Variants in L3MBTL4 observed in about 807,000 individuals in gnomAD.
L3MBTL4 encodes lethal(3)malignant brain tumor-like protein 4.
A neutral mutation model predicts 84.5 loss-of-function variants in L3MBTL4; 70 were observed. The observed-to-expected ratio is 0.83, with a 90% CI of 0.68 to 1.01. The LOEUF is 1.01. Ranked by LOEUF, L3MBTL4 falls within the 50% of genes least tolerant of loss-of-function variation. The pLI is 0.00. For synonymous variants in L3MBTL4, 274 were observed against 259.8 expected, an observed-to-expected ratio of 1.05 and a Z score of -0.52; for missense variants, 715 against 754.8, an observed-to-expected ratio of 0.95 and a Z score of 0.62.
At chr18:6,296,891 G>A (rs984784713) in intron 4 of L3MBTL4, among the ~76,000 whole-genome samples, 10 of 152,134 alleles carry the variant, frequency 6.6e-5, no homozygotes, top group Admixed American at 2.0e-4. Flanking sequence ...TGGGAGGGAG[G>A]AGTAAGGATG....
chr18:6,271,541 A>C (rs1229344283), intron 4 of L3MBTL4, among the ~76,000 whole-genome samples: 1 of 152,244 alleles, frequency 6.6e-6, no homozygotes, highest in Non-Finnish European at 1.5e-5. Context: ...CGCGGAGGAA[A>C]GTGTGAGTCA....
intron 16 of L3MBTL4, among the ~76,000 whole-genome samples, chr18:5,987,497 T>G (rs768656005): frequency 7.9e-5 from 12 of 152,240 alleles, no homozygotes; most frequent in Non-Finnish European, 1.2e-4. Context: ...TCTTGCTACT[T>G]GTATCTGTCT....
intron 13 of L3MBTL4, among the ~76,000 whole-genome samples, chr18:6,164,817 C>A (rs191887556): frequency 0.016 from 2,411 of 152,288 alleles, 59 homozygotes; most frequent in African/African-American, 0.055. Context: ...AGCAACGGAA[C>A]AAAGCTGGAC....
At chr18:6,281,136 G>A (rs530662125) in intron 4 of L3MBTL4, among the ~76,000 whole-genome samples, 1 of 152,170 alleles carries the variant, frequency 6.6e-6, no homozygotes, top group African/African-American at 2.4e-5. Flanking sequence ...CAGTAACTGG[G>A]AAAATTGACA....
At chr18:6,174,121 C>T (rs2044109229) in intron 12 of L3MBTL4, among the ~76,000 whole-genome samples, 1 of 151,216 alleles carries the variant, frequency 6.6e-6, no homozygotes, top group Admixed American at 6.6e-5. Flanking sequence ...GTAATGAACT[C>T]CCTGATAGAA....
intron 16 of L3MBTL4, among the ~76,000 whole-genome samples, chr18:6,047,422 T>C (rs2145773288): frequency 6.6e-6 from 1 of 152,206 alleles, no homozygotes; most frequent in East Asian, 1.9e-4. Flanking sequence ...ATCACCCTGA[T>C]ACCAAAATCT....
At chr18:6,358,768 G>A (rs764951768) in intron 1 of L3MBTL4, among the ~76,000 whole-genome samples, 3 of 152,194 alleles carry the variant, frequency 2.0e-5, no homozygotes, top group Admixed American at 6.5e-5. Flanking sequence ...CCTTTTGCAC[G>A]TGGAAAGCAG....
chr18:5,993,007 G>C (rs118098279), intron 16 of L3MBTL4, among the ~76,000 whole-genome samples: 121 of 152,300 alleles, frequency 7.9e-4, no homozygotes, highest in Non-Finnish European at 1.6e-3. Flanking sequence ...ATCACCTGGG[G>C]GCACAGATGA....
chr18:6,215,712 T>C, intron 11 of L3MBTL4, 38 bp downstream of exon 11: 1 of 1,187,200 alleles, frequency 8.4e-7, no homozygotes, highest in Middle Eastern at 2.0e-4. Context: ...ATACAAACGT[T>C]GTTTAAAGGT....
In L3MBTL4 at chr18:5,969,613, C is replaced by T. The variant is rs752280912; in HGVS notation, c.1445-51G>A. Reference sequence around the variant, plus strand: ...GGCTCAGGCTCCCAGAGAGCAAGCACTGCTGTGTCAGCCCCGCAGTCCGGA... The same window carrying T: ...GGCTCAGGCTCCCAGAGAGCAAGCATTGCTGTGTCAGCCCCGCAGTCCGGA... On this transcript the variant is annotated intron_variant, in intron 16 of 18. Coordinates refer to ENST00000317931, the MANE Select transcript of L3MBTL4 (RefSeq NM_001330559.2). 10 of 1,541,078 alleles carry T rather than the reference C, an allele frequency of 6.5e-6. No homozygotes were observed. In the African/African-American group the frequency reaches 9.5e-5, roughly 15 times the overall value.
chr18:6,088,067 T>C lies in L3MBTL4; in HGVS notation c.1373+5288A>G, dbSNP rs902571667. ...ATTGTTTCTTCCCTTTAGCAGCCTA[T>C]AGTCTTTTTGAGAAGACATGGCATA... is the stretch of plus-strand genomic sequence containing the variant. On this transcript the variant is annotated intron_variant, in intron 15 of 18. Coordinates refer to ENST00000317931, the MANE Select transcript of L3MBTL4 (RefSeq NM_001330559.2). Among the ~76,000 whole-genome samples, 5 of 152,354 alleles carry C rather than the reference T, an allele frequency of 3.3e-5. 1 individual carries two copies. The highest frequency in any genetic ancestry group is 4.8e-5 in the African/African-American group (2 of 41,588).
chr18:6,113,652 A>G (rs1186401188), intron 14 of L3MBTL4, among the ~76,000 whole-genome samples: 3 of 152,064 alleles, frequency 2.0e-5, no homozygotes, highest in Non-Finnish European at 4.4e-5. Context: ...TCTGAAACAT[A>G]TTTACCAATT....
At chr18:6,188,687 T>C (rs1014284720) in intron 12 of L3MBTL4, among the ~76,000 whole-genome samples, 5 of 152,174 alleles carry the variant, frequency 3.3e-5, no homozygotes, top group African/African-American at 1.2e-4. Flanking sequence ...AGTGCAGTTT[T>C]CAGAAGCCAT....
intron 1 of L3MBTL4, among the ~76,000 whole-genome samples, chr18:6,355,691 T>TA (rs1374924073): frequency 1.3e-5 from 2 of 152,194 alleles, no homozygotes; most frequent in African/African-American, 2.4e-5. Flanking sequence ...CTCAATGACT[T>TA]AAAATCTATC....
intron 4 of L3MBTL4, among the ~76,000 whole-genome samples, chr18:6,272,020 A>C (rs2015722944): frequency 6.6e-6 from 1 of 152,240 alleles, no homozygotes; most frequent in South Asian, 2.1e-4. Flanking sequence ...GGCAGATGAC[A>C]TAAGCTCTTG....
At position 6,237,445 on chromosome 18, in the gene L3MBTL4, C is replaced by CTTT. The variant is rs1173599586; in HGVS notation, c.784+516_784+518dup. ...TTGTTTCAATGGCTGCCTAGTACAT[C>CTTT]TTTTTTTTTTTTTTTTTTTTTTTTT... On this transcript the variant is annotated intron_variant, in intron 10 of 18. Coordinates refer to ENST00000317931, the MANE Select transcript of L3MBTL4 (RefSeq NM_001330559.2). 2.7e-3 allele frequency among the ~76,000 whole-genome samples: 237 copies of CTTT among 88,920 alleles called. 25 individuals are homozygous for CTTT. The highest frequency in any genetic ancestry group is 8.7e-3 in the African/African-American group (185 of 21,268). 58.3% of individuals were successfully genotyped at this position (88,920 alleles called of 152,430 possible). A position where few individuals can be genotyped will look rare whatever the true frequency, so the allele number is the denominator to read the frequency against.
At chr18:6,356,856 G>A (rs1278678940) in intron 1 of L3MBTL4, 2 of 152,040 alleles carry the variant, frequency 1.3e-5, no homozygotes, top group Non-Finnish European at 2.9e-5. Context: ...ATGATAAGTT[G>A]GTCTTAGCTT....
Position 6,104,414 on chromosome 18 carries a change from C to T in L3MBTL4, c.1200-10886G>A, listed in dbSNP as rs966054530. 2.0e-5 allele frequency among the ~76,000 whole-genome samples: 3 copies of T among 151,658 alleles called. No individual in the cohort carries two copies. The East Asian group carries it at 5.8e-4, about 29-fold the overall frequency. ...AAGCCTTAATAAAAAGGGAATCCTG[C>T]CACATGTGACAACATAGTTGAACCA... On this transcript the variant is annotated intron_variant, in intron 14 of 18. Coordinates refer to ENST00000317931, the MANE Select transcript of L3MBTL4 (RefSeq NM_001330559.2).
intron 15 of L3MBTL4, among the ~76,000 whole-genome samples, chr18:6,087,149 A>G (rs2058285311): frequency 6.6e-6 from 1 of 152,198 alleles, no homozygotes; most frequent in Non-Finnish European, 1.5e-5. Flanking sequence ...TATTCAACAG[A>G]CAAAGGTTGA....
Sources: gnomAD v4.1 joint callset for allele counts (sites outside exome capture counted in the v4.1 genomes callset) on GRCh38, gnomAD v4.1.1 for gene constraint, MANE v1.5 for transcripts, NCBI Gene and HGNC (gene_info 2026-07-23, HGNC 2026-07-21) for gene names.